ASH1L: variants seen among roughly 807,000 people sequenced by gnomAD.
ASH1L encodes the protein histone-lysine N-methyltransferase ASH1L.
A neutral mutation model predicts 269.0 loss-of-function variants in ASH1L; 23 were observed. That is an observed-to-expected ratio of 0.09 (90% CI 0.06 to 0.12). The LOEUF (loss-of-function observed/expected upper bound fraction) is 0.12, where lower values mean the gene tolerates loss of function less well. Ranked by LOEUF, ASH1L falls within the 10% of genes least tolerant of loss-of-function variation. The probability of loss-of-function intolerance (pLI) is 1.00; values close to 1 mark genes in which losing one functional copy is unlikely to be tolerated. For synonymous variants in ASH1L, 1,187 were observed against 1,253.5 expected, an observed-to-expected ratio of 0.95 and a Z score of 1.12; for missense variants, 2,912 against 3,567.8, an observed-to-expected ratio of 0.82 and a Z score of 4.68.
chr1:155,415,943 G>A lies in ASH1L; in HGVS notation c.5829-20C>T. The A allele has an allele frequency of 1.4e-5, 20 of 1,429,390 alleles. No individual in the cohort carries two copies. Among genetic ancestry groups the A allele is most frequent in the Admixed American group, 2.6e-5 (1 of 38,514 alleles). The allele number at this position is 1,429,390 out of a possible 1,614,324, so 88.5% of individuals were successfully genotyped here. On this transcript the variant is annotated intron_variant, in intron 5 of 27. Transcript: ENST00000392403. ...TTAAAGCTAGAAAGAGAAGTTTAAA[G>A]ATAATTTTATTATGAAAAAAAAGTT...
chr1:155,379,910 C>A, intron 8 of ASH1L, 133 bp downstream of exon 8: 1 of 625,764 alleles, frequency 1.6e-6, no homozygotes. Flanking sequence ...TTTCTTAGTC[C>A]TAACCTTCAC....
intron 1 of ASH1L, among the ~76,000 whole-genome samples, chr1:155,536,826 A>G (rs541239404): frequency 2.0e-5 from 3 of 152,194 alleles, no homozygotes; most frequent in Admixed American, 2.0e-4. Context: ...GCAGATCACA[A>G]GGTCAGGAGA....
chr1:155,540,768 TAACAAC>T (rs145170771), intron 1 of ASH1L, among the ~76,000 whole-genome samples: 2 of 151,940 alleles, frequency 1.3e-5, no homozygotes, highest in African/African-American at 2.4e-5. Context: ...GACCCTGTCT[TAACAAC>T]AACAACAACA....
Position 155,343,178 on chromosome 1 carries a change from G to T in ASH1L, c.8293+136C>A. ...TGCCCAGCTACAGAGGCAGAGTTTT[G>T]CCACGTTGGCCAGGCTGGTCTCACA... On this transcript the variant is annotated intron_variant, in intron 24 of 27. Transcript: ENST00000392403. This position sits in a 1 kb window ranked among gnomAD's most constrained non-coding sequence, Gnocchi z 6.1. The T allele has an allele frequency of 1.1e-6, 1 of 883,824 alleles. No individual in the cohort carries two copies. The highest frequency in any genetic ancestry group is 1.7e-6 in the Non-Finnish European group (1 of 585,590). 54.7% of individuals were successfully genotyped at this position (883,824 alleles called of 1,614,324 possible). A position where few individuals can be genotyped will look rare whatever the true frequency, so the allele number is the denominator to read the frequency against.
intron 2 of ASH1L, among the ~76,000 whole-genome samples, chr1:155,514,075 T>C (rs1329650180): frequency 1.3e-5 from 2 of 152,200 alleles, no homozygotes; most frequent in Non-Finnish European, 1.5e-5. Flanking sequence ...ATTCTACTTA[T>C]ATGTGGTAAT....
intron 4 of ASH1L, among the ~76,000 whole-genome samples, chr1:155,439,410 G>T (rs1006579573): frequency 6.6e-6 from 1 of 152,080 alleles, no homozygotes; most frequent in Non-Finnish European, 1.5e-5. Flanking sequence ...TTAAATGTTG[G>T]ATAAAGAGTG....
rs34682576 is a variant in ASH1L at position 155,441,454 on chromosome 1, C to CTTTT, written c.5087-2390_5087-2387dup. Reference sequence around the variant, plus strand: ...CCACCAGATATTTGAATAAAGAATCCTTTTTTTTTTTTTTTTTTTTTTTTT... The same window carrying CTTTT: ...CCACCAGATATTTGAATAAAGAATCCTTTTTTTTTTTTTTTTTTTTTTTTTTTTT... On this transcript the variant is annotated intron_variant, in intron 4 of 27. Transcript: ENST00000392403. Among the ~76,000 whole-genome samples the CTTTT allele has an allele frequency of 3.3e-4, 24 of 73,538 alleles. 1 individual carries two copies. The highest frequency in any genetic ancestry group is 4.4e-4 in the Non-Finnish European group (18 of 41,372). The allele number at this position is 73,538 out of a possible 152,430, so 48.2% of individuals were successfully genotyped here.
intron 2 of ASH1L, among the ~76,000 whole-genome samples, chr1:155,502,895 A>G (rs537023687): frequency 6.6e-6 from 1 of 152,328 alleles, no homozygotes; most frequent in East Asian, 1.9e-4. Context: ...AGAATTTTTA[A>G]GAGTTACCAA....
At chr1:155,379,987 C>T (rs1302187463) in intron 8 of ASH1L, 56 bp downstream of exon 8, 17 of 1,282,656 alleles carry the variant, frequency 1.3e-5, no homozygotes, top group Non-Finnish European at 1.8e-5. Context: ...CTTGCATTTC[C>T]ACCCCTCCCC....
chr1:155,385,475 T>C (rs1266678205), intron 7 of ASH1L, among the ~76,000 whole-genome samples: 3 of 151,986 alleles, frequency 2.0e-5, no homozygotes, highest in Admixed American at 2.0e-4. Flanking sequence ...AAATAAAATA[T>C]GAAAAATTAT....
intron 5 of ASH1L, among the ~76,000 whole-genome samples, chr1:155,431,263 C>T (rs1369840280): frequency 6.6e-6 from 1 of 150,932 alleles, no homozygotes; most frequent in Non-Finnish European, 1.5e-5. Flanking sequence ...TTATAAGATA[C>T]ATATTTTTAG....
chr1:155,502,549 C>T (rs1020267690), intron 2 of ASH1L, among the ~76,000 whole-genome samples: 3 of 152,032 alleles, frequency 2.0e-5, no homozygotes, highest in Admixed American at 6.6e-5. Flanking sequence ...ATAAAAAGCA[C>T]AAACTTAAAA....
At chr1:155,363,154 T>G (rs1434908562) in intron 12 of ASH1L, among the ~76,000 whole-genome samples, 2 of 152,142 alleles carry the variant, frequency 1.3e-5, no homozygotes, top group East Asian at 3.9e-4. Context: ...TGGCTAATTT[T>G]GTATTTTTAG....
chr1:155,538,761 G>A (rs1670230709), intron 1 of ASH1L, among the ~76,000 whole-genome samples: 2 of 150,194 alleles, frequency 1.3e-5, no homozygotes, highest in South Asian at 4.2e-4. Context: ...TCCCACCTCA[G>A]CTTCCCAAGT....
chr1:155,406,131 G>C (rs1252873185), intron 6 of ASH1L, among the ~76,000 whole-genome samples: 1 of 151,188 alleles, frequency 6.6e-6, no homozygotes. Flanking sequence ...TTAAACCCAG[G>C]GGGCGAAGGT....
chr1:155,372,687 T>G (rs1656074508), intron 10 of ASH1L, among the ~76,000 whole-genome samples: 1 of 151,796 alleles, frequency 6.6e-6, no homozygotes, highest in Admixed American at 6.6e-5. Context: ...CACAGCCTAC[T>G]GTAGCCTCGA....
chr1:155,347,945 A>AT, intron 19 of ASH1L, 41 bp from the exon 20 acceptor site: 1 of 1,609,396 alleles, frequency 6.2e-7, no homozygotes, highest in Non-Finnish European at 8.5e-7. Flanking sequence ...GGTTCTCTCA[A>AT]TGTGGCTTAA....
At chr1:155,377,359 C>T (rs1656545269) in intron 10 of ASH1L, among the ~76,000 whole-genome samples, 1 of 152,208 alleles carries the variant, frequency 6.6e-6, no homozygotes, top group Non-Finnish European at 1.5e-5. Context: ...TCTTCACTCT[C>T]ACTGCCACTG....
At chr1:155,544,213 G>C (rs1197387835) in intron 1 of ASH1L, among the ~76,000 whole-genome samples, 1 of 150,860 alleles carries the variant, frequency 6.6e-6, no homozygotes, top group Non-Finnish European at 1.5e-5. Flanking sequence ...CCTACTCGTG[G>C]ATGTAAACAC....
Sources: allele counts gnomAD v4.1 joint callset (sites outside exome capture counted in the v4.1 genomes callset), GRCh38; gene constraint gnomAD v4.1.1; non-coding constraint Gnocchi (gnomAD v3.1); transcripts MANE v1.5; gene names NCBI Gene and HGNC (gene_info 2026-07-23, HGNC 2026-07-21).